The following EFL1 variants were observed in gnomAD, a reference collection of about 807,000 sequenced individuals.
The protein encoded by EFL1 is elongation factor-like GTPase 1.
In EFL1, 76 loss-of-function variants were observed where a neutral mutation model predicts 126.7. The observed-to-expected ratio is 0.60, with a 90% confidence interval of 0.50 to 0.73. The LOEUF (loss-of-function observed/expected upper bound fraction) is 0.73. EFL1 is among the 30% of genes least tolerant of loss of function. EFL1 has a pLI of 0.00. For missense variants in EFL1, 1,128 were observed against 1,343.2 expected (o/e 0.84, Z 2.50); for synonymous variants, 410 against 448.4 (o/e 0.91, Z 1.08).
intron 16 of EFL1, among the ~76,000 whole-genome samples, chr15:82,160,260 C>G (rs1287610720): frequency 1.3e-5 from 2 of 152,232 alleles, no homozygotes; most frequent in African/African-American, 4.8e-5. Flanking sequence ...CCAGCACCAA[C>G]TTGTGAGCCC....
intron 7 of EFL1, among the ~76,000 whole-genome samples, chr15:82,235,078 C>T (rs1183554538): frequency 6.6e-6 from 1 of 152,086 alleles, no homozygotes; most frequent in African/African-American, 2.4e-5. Context: ...AGGGAAGACA[C>T]CAAGAGAAGA....
chr15:82,187,978 T>C (rs1166547401), intron 15 of EFL1, among the ~76,000 whole-genome samples: 1 of 152,108 alleles, frequency 6.6e-6, no homozygotes, highest in African/African-American at 2.4e-5. Context: ...ATACTCTGTA[T>C]TTCAGTGCTA....
At chr15:82,214,594 GA>G (rs1054224768) in intron 15 of EFL1, 122 bp downstream of exon 15, 121 of 1,310,540 alleles carry the variant, frequency 9.2e-5, no homozygotes, top group South Asian at 3.2e-4. Flanking sequence ...AAAGATACCA[GA>G]AAAAAAAATT....
chr15:82,164,896 CA>C (rs1240782656), intron 15 of EFL1, among the ~76,000 whole-genome samples: 180 of 91,578 alleles, frequency 2.0e-3, no homozygotes, highest in African/African-American at 2.5e-3. Flanking sequence ...GATTCCACCT[CA>C]AAAAAAAAAA....
At chr15:82,231,936 T>C (rs2074826512) in intron 7 of EFL1, among the ~76,000 whole-genome samples, 2 of 152,188 alleles carry the variant, frequency 1.3e-5, no homozygotes, top group Admixed American at 1.3e-4. Context: ...GGCCTCCTCC[T>C]GGCTTCCGGT....
At chr15:82,238,977 T>C (rs1263162332) in intron 6 of EFL1, among the ~76,000 whole-genome samples, 3 of 152,070 alleles carry the variant, frequency 2.0e-5, no homozygotes, top group African/African-American at 7.2e-5. Flanking sequence ...CACTCCCAAA[T>C]AGGCAGTAAT....
At chr15:82,258,353 G>C (rs1156230842) in intron 3 of EFL1, among the ~76,000 whole-genome samples, 2 of 152,128 alleles carry the variant, frequency 1.3e-5, no homozygotes, top group Non-Finnish European at 2.9e-5. Flanking sequence ...GAGCCCAGGA[G>C]TTCAAGATCA....
chr15:82,199,697 T>C (rs1396217112), intron 15 of EFL1, among the ~76,000 whole-genome samples: 2 of 152,224 alleles, frequency 1.3e-5, no homozygotes, highest in African/African-American at 4.8e-5. Flanking sequence ...GTATTATGCA[T>C]AGATAGAAGT....
intron 15 of EFL1, among the ~76,000 whole-genome samples, chr15:82,179,796 A>G (rs1012084702): frequency 8.0e-6 from 1 of 124,310 alleles, no homozygotes; most frequent in African/African-American, 3.0e-5. Context: ...CCTCACTTCT[A>G]TATGGCTGGG....
rs2074776523 is a variant in EFL1 at position 82,227,489 on chromosome 15, A to G, written c.1153T>C (p.Phe385Leu). 3 of 1,614,090 alleles carry G rather than the reference A, an allele frequency of 1.9e-6. No homozygotes were observed. The East Asian group carries it at 6.7e-5, about 36-fold the overall frequency. ...ERLMCTGSQT[F>L]DSFPPETQAL... ...TGAGTTTCTGGTGGAAAAGAGTCAA[A>G]AGTTTGTGATCCTGTGCACATCAGT... Residue 385 changes from phenylalanine to leucine, a missense_variant, in exon 11 of 20, where the codon TTT becomes CTT. By Grantham distance (22) the Phe-to-Leu change is conservative (BLOSUM62 0). This residue lies in a region of EFL1 where 316 missense variants were observed against 318.5 expected (regional missense o/e 0.99). Transcript: ENST00000268206.
chr15:82,261,594 TCA>T, intron 2 of EFL1, 92 bp downstream of exon 2: 1 of 1,189,212 alleles, frequency 8.4e-7, no homozygotes, highest in Non-Finnish European at 1.2e-6. Flanking sequence ...TTAGCAAACA[TCA>T]CTCTCAGCTG....
intron 14 of EFL1, chr15:82,215,606 G>A (rs1401892251): frequency 2.6e-5 from 4 of 152,134 alleles, no homozygotes; most frequent in Admixed American, 2.6e-4. Flanking sequence ...GTATCCAGAA[G>A]GCATTTCAAT....
At chr15:82,196,116 G>C (rs1031975959) in intron 15 of EFL1, among the ~76,000 whole-genome samples, 8 of 152,176 alleles carry the variant, frequency 5.3e-5, no homozygotes, top group African/African-American at 1.4e-4. Flanking sequence ...GAGAACTGAA[G>C]CATAGGGAGG....
At chr15:82,176,810 G>C (rs568652390) in intron 15 of EFL1, among the ~76,000 whole-genome samples, 5 of 152,228 alleles carry the variant, frequency 3.3e-5, no homozygotes, top group Middle Eastern at 3.4e-3. Flanking sequence ...TTAACCAAAA[G>C]ACATGTATAA....
intron 14 of EFL1, among the ~76,000 whole-genome samples, chr15:82,217,842 A>ACT (rs1350524074): frequency 1.3e-5 from 2 of 152,040 alleles, no homozygotes; most frequent in Non-Finnish European, 2.9e-5. Context: ...ATCATACAGG[A>ACT]CTCTGTCTTG....
chr15:82,238,466 T>C lies in EFL1; in HGVS notation c.572A>G (p.Glu191Gly). Residue 191 changes from glutamate to glycine, a missense_variant, in exon 7 of 20, where the codon GAG becomes GGG. Glu to Gly is a moderately conservative substitution (Grantham distance 98). Around this residue, in one of 6 missense-constraint regions of EFL1, gnomAD observed 316 missense variants for 318.5 expected, o/e 0.99. Transcript: ENST00000268206. ...ATTCACTTGGGATTCAGTCTCCCTCTCTGCTCTTTCTTCTAGGACTTTAGA... is the reference window on the plus strand; with the variant it reads ...ATTCACTTGGGATTCAGTCTCCCTCCCTGCTCTTTCTTCTAGGACTTTAGA... ...FTSKVLEERA[E>G]RETESQVNPN... is the part of the protein sequence containing the mutation. 1 of 1,614,126 alleles carries C rather than the reference T, an allele frequency of 6.2e-7. No individual in the cohort carries two copies. The highest frequency in any genetic ancestry group is 8.5e-7 in the Non-Finnish European group (1 of 1,180,014).
At chr15:82,138,341 A>G (rs537372087) in intron 19 of EFL1, among the ~76,000 whole-genome samples, 2 of 152,246 alleles carry the variant, frequency 1.3e-5, no homozygotes, top group South Asian at 4.1e-4. Context: ...TCTAAAATAT[A>G]TATTTGGATG....
At chr15:82,162,649 A>G (rs1002709060) in intron 16 of EFL1, among the ~76,000 whole-genome samples, 1 of 152,184 alleles carries the variant, frequency 6.6e-6, no homozygotes, top group African/African-American at 2.4e-5. Flanking sequence ...ACAGCCCACA[A>G]AAAATTCCTA....
intron 15 of EFL1, among the ~76,000 whole-genome samples, chr15:82,198,643 T>A (rs1480543422): frequency 6.6e-6 from 1 of 151,790 alleles, no homozygotes; most frequent in Non-Finnish European, 1.5e-5. Context: ...ACATGGACAG[T>A]GGAAAAGGTG....
Sources: gnomAD v4.1 joint callset for allele counts (sites outside exome capture counted in the v4.1 genomes callset) on GRCh38, gnomAD v4.1.1 for gene constraint, gnomAD v4.1.1 regional missense constraint, MANE v1.5 for transcripts, NCBI Gene and HGNC (gene_info 2026-07-23, HGNC 2026-07-21) for gene names.